GNB1: variants seen among roughly 807,000 people sequenced by gnomAD.
GNB1 encodes guanine nucleotide-binding protein G(I)/G(S)/G(T) subunit beta-1.
GNB1 carries 2 observed loss-of-function variants against 42.9 expected under a neutral mutation model. That is an observed-to-expected ratio of 0.05 (90% CI 0.02 to 0.15). The LOEUF (loss-of-function observed/expected upper bound fraction) is 0.15, where lower values mean the gene tolerates loss of function less well. Ranked by LOEUF, GNB1 falls within the 10% of genes least tolerant of loss-of-function variation. The pLI, the probability that GNB1 is intolerant of heterozygous loss-of-function variation, is 1.00. For missense variants in GNB1, 193 were observed against 462.2 expected (o/e 0.42, Z 5.34); for synonymous variants, 183 against 174.7 (o/e 1.05, Z -0.38).
intron 1 of GNB1, among the ~76,000 whole-genome samples, chr1:1,860,640 CAAAA>C (rs1367327181): frequency 1.4e-5 from 1 of 72,870 alleles, no homozygotes. Context: ...CCATCTCCAA[CAAAA>C]AAAAAAAAAA....
rs575419207 is a variant in GNB1, at chr1:1,875,198, T to G, written c.-96+15622A>C. 6.7e-5 allele frequency among the ~76,000 whole-genome samples: 10 copies of G among 148,620 alleles called. No homozygotes were observed. The South Asian group carries it at 1.7e-3, about 25-fold the overall frequency. Reference sequence around the variant, plus strand: ...AGAAGACATTTTATCTTTTTCTGGTTTTTTTTTTTTGGAGACAAAGTCTTG... The same window carrying G: ...AGAAGACATTTTATCTTTTTCTGGTGTTTTTTTTTTGGAGACAAAGTCTTG... On this transcript the variant is annotated intron_variant, in intron 1 of 11. Transcript: ENST00000378609.
chr1:1,804,004 G>A (rs10796395), intron 7 of GNB1, among the ~76,000 whole-genome samples: 8,333 of 15,728 alleles, frequency 0.53, 2,613 homozygotes, highest in African/African-American at 0.67. Context: ...AAAAAAAAAA[G>A]AAAAAAAGGC....
At chr1:1,814,997 A>G (rs1227721653) in intron 5 of GNB1, among the ~76,000 whole-genome samples, 1 of 151,582 alleles carries the variant, frequency 6.6e-6, no homozygotes, top group African/African-American at 2.4e-5. Flanking sequence ...CTGTAGTCCC[A>G]GCTACTAGGG....
At position 1,787,282 on chromosome 1, in the gene GNB1, C is replaced by CA. The variant is rs1010456783; in HGVS notation, c.*9+39dup. ...TCAAATGTTCTATGAGAAACACGCA[C>CA]AGTTCTCCTCAGAGAAGGGCATTTG... On this transcript the variant is annotated intron_variant, in intron 11 of 11. Coordinates refer to ENST00000378609, the MANE Select transcript of GNB1 (RefSeq NM_002074.5). This position sits in a 1 kb window ranked among gnomAD's most constrained non-coding sequence, Gnocchi z 4.4. The CA allele has an allele frequency of 2.1e-6, 2 of 970,064 alleles. No individual in the cohort carries two copies. Among genetic ancestry groups the CA allele is most frequent in the African/African-American group, 3.2e-5 (2 of 62,160 alleles). 60.1% of individuals were successfully genotyped at this position (970,064 alleles called of 1,614,324 possible). A position where few individuals can be genotyped will look rare whatever the true frequency, so the allele number is the denominator to read the frequency against.
rs899154219 is a variant in GNB1, at chr1:1,845,766, G to A, written c.-95-6528C>T. Among the ~76,000 whole-genome samples the A allele has an allele frequency of 2.7e-5, 4 of 147,288 alleles. No homozygotes were observed. The Admixed American group carries it at 2.7e-4, about 10-fold the overall frequency. On this transcript the variant is annotated intron_variant, in intron 1 of 11. Transcript: ENST00000378609. The stretch of plus-strand genomic sequence containing the variant: ...CCCTGGGGTTCAATCTGAATTTGGA[G>A]ACAATGGAAATTCTCTATACATTTA...
chr1:1,876,514 A>AGAGAGAGAGC (rs1491127351), intron 1 of GNB1, among the ~76,000 whole-genome samples: 1 of 149,866 alleles, frequency 6.7e-6, no homozygotes, highest in Admixed American at 6.6e-5. Context: ...AGAGAGAGAG[A>AGAGAGAGAGC]GCGAGCGTGC....
chr1:1,824,496 G>A lies in GNB1; in HGVS notation c.57+901C>T, dbSNP rs537141321. On this transcript the variant is annotated intron_variant, in intron 3 of 11. Transcript: ENST00000378609. ...AACATCCTACATCAGTCACAGACTG[G>A]AATTTAATGTTTTAGAATTCTGTGA... is the stretch of plus-strand genomic sequence containing the variant. Among the ~76,000 whole-genome samples, 21 of 152,248 alleles carry A rather than the reference G, an allele frequency of 1.4e-4. 1 individual carries two copies. The highest frequency in any genetic ancestry group is 4.6e-4 in the African/African-American group (19 of 41,540).
rs33922220 is a variant in GNB1, at chr1:1,822,300, C to CT, written c.57+3096dup. On this transcript the variant is annotated intron_variant, in intron 3 of 11. Transcript: ENST00000378609. Reference sequence around the variant, plus strand: ...CGGTGCCTGGCCGTCTCTCTTTTTACTTTTTTTTTTTTTTTTTTTGAGACG... The same window carrying CT: ...CGGTGCCTGGCCGTCTCTCTTTTTACTTTTTTTTTTTTTTTTTTTTGAGACG... Among the ~76,000 whole-genome samples, 229 of 97,698 alleles carry CT rather than the reference C, an allele frequency of 2.3e-3. 2 individuals carry two copies. The highest frequency in any genetic ancestry group is 0.019 in the East Asian group (65 of 3,396). The allele number at this position is 97,698 out of a possible 152,430, so 64.1% of individuals were successfully genotyped here.
rs1387021485 is a variant in GNB1 at position 1,794,535 on chromosome 1, GA to G, written c.431-1225del. ...ACCTGTTTAGATTTGAGTGTTTACT[GA>G]AAAGCCTTCCCCCCAACTACACCCC... On this transcript the variant is annotated intron_variant, in intron 7 of 11. Coordinates refer to ENST00000378609, the MANE Select transcript of GNB1 (RefSeq NM_002074.5). Among the ~76,000 whole-genome samples the G allele has an allele frequency of 2.6e-5, 4 of 152,070 alleles. No homozygotes were observed. In the East Asian group the frequency reaches 7.7e-4, roughly 29 times the overall value.
At chr1:1,795,103 C>T (rs1250556848) in intron 7 of GNB1, among the ~76,000 whole-genome samples, 2 of 152,228 alleles carry the variant, frequency 1.3e-5, no homozygotes, top group Non-Finnish European at 2.9e-5. Context: ...CTGGAGGCCA[C>T]ACCACAGGGA....
Position 1,859,657 on chromosome 1 carries a change from TA to T in GNB1, c.-95-20420del, listed in dbSNP as rs548036724. Among the ~76,000 whole-genome samples, 83 of 114,018 alleles carry T rather than the reference TA, an allele frequency of 7.3e-4. 2 individuals are homozygous for T. In the South Asian group the frequency reaches 0.022, roughly 31 times the overall value. The allele number at this position is 114,018 out of a possible 152,430, so 74.8% of individuals were successfully genotyped here. On this transcript the variant is annotated intron_variant, in intron 1 of 11. Coordinates refer to ENST00000378609, the MANE Select transcript of GNB1 (RefSeq NM_002074.5). ...TAAAGAAAGGGGGAGCAGGGTAAAC[TA>T]AAGGAGAGAAAAGGGGAGAGGAAGG...
chr1:1,790,392 C>T lies in GNB1; in HGVS notation c.699+3G>A, dbSNP rs760751848. On this transcript the variant is annotated splice_donor_region_variant and intron_variant, in intron 9 of 11. Transcript: ENST00000378609. The surrounding 1 kb of genome is among the most constrained non-coding windows in gnomAD (Gnocchi z 5.4). Reference sequence around the variant, plus strand: ...CCGACCCCACACCTCCACCCAGACTCACGCAAATGGCATTGATGTCAGACT... The same window carrying T: ...CCGACCCCACACCTCCACCCAGACTTACGCAAATGGCATTGATGTCAGACT... 2.1e-5 allele frequency: 34 copies of T among 1,607,514 alleles called. No homozygotes were observed. The highest frequency in any genetic ancestry group is 2.8e-5 in the Non-Finnish European group (33 of 1,173,962).
intron 5 of GNB1, among the ~76,000 whole-genome samples, chr1:1,812,307 T>G (rs1361978938): frequency 6.6e-6 from 1 of 150,948 alleles, no homozygotes; most frequent in African/African-American, 2.4e-5. Flanking sequence ...GTAACAAATC[T>G]GCACATTGTG....
chr1:1,884,373 G>A (rs1650030076), intron 1 of GNB1, among the ~76,000 whole-genome samples: 1 of 151,934 alleles, frequency 6.6e-6, no homozygotes, highest in African/African-American at 2.4e-5. Context: ...CACCGCGTCT[G>A]GGCTAATTTT....
At chr1:1,836,752 T>C (rs1450833592) in intron 2 of GNB1, among the ~76,000 whole-genome samples, 2 of 152,170 alleles carry the variant, frequency 1.3e-5, no homozygotes, top group Non-Finnish European at 2.9e-5. Flanking sequence ...GGTTTCCCCA[T>C]GTTGGCCAGG....
intron 3 of GNB1, among the ~76,000 whole-genome samples, chr1:1,820,054 C>A (rs1036515162): frequency 2.0e-5 from 3 of 152,116 alleles, no homozygotes; most frequent in African/African-American, 7.2e-5. Context: ...ATATTATAAA[C>A]TGATAATATG....
At chr1:1,837,979 G>A (rs993996142) in intron 2 of GNB1, among the ~76,000 whole-genome samples, 21 of 151,052 alleles carry the variant, frequency 1.4e-4, no homozygotes, top group Admixed American at 4.6e-4. Flanking sequence ...AAGGCGGGTG[G>A]ATCACCTGAG....
At chr1:1,812,079 C>CA (rs1003561556) in intron 5 of GNB1, among the ~76,000 whole-genome samples, 4 of 150,668 alleles carry the variant, frequency 2.7e-5, no homozygotes, top group African/African-American at 7.4e-5. Flanking sequence ...AAAAAAAACC[C>CA]AAAAAAACTG....
At position 1,786,116 on chromosome 1, in the gene GNB1, G is replaced by A. The variant is rs960724452; in HGVS notation, c.*947C>T. 7.5e-6 allele frequency: 3 copies of A among 398,396 alleles called. No homozygotes were observed. The highest frequency in any genetic ancestry group is 6.2e-5 in the African/African-American group (3 of 48,548). The allele number at this position is 398,396 out of a possible 1,614,324, so 24.7% of individuals were successfully genotyped here. On this transcript the variant is annotated 3_prime_UTR_variant, in exon 12 of 12. Coordinates refer to ENST00000378609, the MANE Select transcript of GNB1 (RefSeq NM_002074.5). Reference sequence around the variant, plus strand: ...ATCATTATTTTCAAAACATTGATTTGTACATTGTTTCATACACAAATAATT... The same window carrying A: ...ATCATTATTTTCAAAACATTGATTTATACATTGTTTCATACACAAATAATT...
Sources: allele counts gnomAD v4.1 joint callset (sites outside exome capture counted in the v4.1 genomes callset), GRCh38; gene constraint gnomAD v4.1.1; non-coding constraint Gnocchi (gnomAD v3.1); transcripts MANE v1.5; gene names NCBI Gene and HGNC (gene_info 2026-07-23, HGNC 2026-07-21).